Variants in BCAS3 observed in about 807,000 individuals in gnomAD.
BCAS3 encodes the protein BCAS3 microtubule associated cell migration factor.
BCAS3 carries 53 observed loss-of-function variants against 116.1 expected under a neutral mutation model. The observed-to-expected ratio is 0.46, with a 90% CI of 0.37 to 0.57. The LOEUF is 0.57. Ranked by LOEUF, BCAS3 falls within the 20% of genes least tolerant of loss-of-function variation. The pLI is 0.00. For missense variants in BCAS3, 917 were observed against 1,165.4 expected, an observed-to-expected ratio of 0.79 and a Z score of 3.10; for synonymous variants, 391 against 408.2, an observed-to-expected ratio of 0.96 and a Z score of 0.51.
At chr17:61,076,199 C>G (rs1405212556) in intron 20 of BCAS3, among the ~76,000 whole-genome samples, 2 of 152,160 alleles carry the variant, frequency 1.3e-5, no homozygotes, top group Non-Finnish European at 2.9e-5. Context: ...TTATGTCTGC[C>G]TCAAGTCTGA....
chr17:61,057,838 C>G (rs2069548615), intron 19 of BCAS3, among the ~76,000 whole-genome samples: 1 of 151,908 alleles, frequency 6.6e-6, no homozygotes, highest in African/African-American at 2.4e-5. Flanking sequence ...TTCTTATTTC[C>G]AAGAATACCT....
rs1406692049 is a variant in BCAS3, at chr17:60,994,892, C to G, written c.1486+4657C>G. On this transcript the variant is annotated intron_variant, in intron 15 of 23. Coordinates refer to ENST00000407086, the MANE Select transcript of BCAS3 (RefSeq NM_017679.5). This position sits in a 1 kb window ranked among gnomAD's most constrained non-coding sequence, Gnocchi z 4.4. ...ATATGCAGGTTATTCATTGACATGTCTGGGCTTCCTATTAGATTGACTTCT... is the reference window on the plus strand; with the variant it reads ...ATATGCAGGTTATTCATTGACATGTGTGGGCTTCCTATTAGATTGACTTCT... Among the ~76,000 whole-genome samples the G allele has an allele frequency of 6.6e-6, 1 of 152,146 alleles. No individual in the cohort carries two copies. The highest frequency in any genetic ancestry group is 2.4e-5 in the African/African-American group (1 of 41,440).
intron 19 of BCAS3, among the ~76,000 whole-genome samples, chr17:61,043,583 G>A (rs888810610): frequency 9.2e-5 from 14 of 151,942 alleles, no homozygotes; most frequent in African/African-American, 3.1e-4. Context: ...GGGTACACAG[G>A]TTTTCTCCCT....
At chr17:60,769,569 A>G (rs1210990579) in intron 6 of BCAS3, among the ~76,000 whole-genome samples, 1 of 152,014 alleles carries the variant, frequency 6.6e-6, no homozygotes, top group Non-Finnish European at 1.5e-5. Flanking sequence ...GCCGTGGGGA[A>G]GGGGGAGGGC....
intron 13 of BCAS3, among the ~76,000 whole-genome samples, chr17:60,932,846 C>G (rs2059730685): frequency 6.8e-6 from 1 of 146,578 alleles, no homozygotes. Context: ...TCACAGATAA[C>G]TAAAACTGAA....
In BCAS3 at chr17:60,777,736, C is replaced by T. The variant is rs933429014; in HGVS notation, c.404-30268C>T. ...ATCTCCATCTCTCTCTTCATTCCCC[C>T]ACTCTCTGAAATACCTACTCCAACT... On this transcript the variant is annotated intron_variant, in intron 6 of 23. Transcript: ENST00000407086. Among the ~76,000 whole-genome samples, 17 of 152,282 alleles carry T rather than the reference C, an allele frequency of 1.1e-4. No individual in the cohort carries two copies. The East Asian group carries it at 3.1e-3, about 28-fold the overall frequency.
chr17:60,921,612 CAAAAAAAAAAA>C (rs755864096), intron 12 of BCAS3, among the ~76,000 whole-genome samples: 2 of 33,324 alleles, frequency 6.0e-5, no homozygotes, highest in Non-Finnish European at 8.1e-5. Flanking sequence ...GACTCCGTCT[CAAAAAAAAAAA>C]AAAAAAAAAA....
chr17:61,065,691 A>C lies in BCAS3; in HGVS notation c.2030-9229A>C, dbSNP rs1285515512. ...CTAAGGGTTTTATTGTTTGTGGAGG[A>C]AGGGTGGGGATATGGTAAAGAGTAG... On this transcript the variant is annotated intron_variant, in intron 19 of 23. Coordinates refer to ENST00000407086, the MANE Select transcript of BCAS3 (RefSeq NM_017679.5). The surrounding 1 kb of genome is among the most constrained non-coding windows in gnomAD (Gnocchi z 4.8). 6.6e-6 allele frequency among the ~76,000 whole-genome samples: 1 copy of C among 152,080 alleles called. No homozygotes were observed. The highest frequency in any genetic ancestry group is 2.4e-5 in the African/African-American group (1 of 41,422).
chr17:60,891,504 AG>A (rs1165516242), intron 10 of BCAS3, among the ~76,000 whole-genome samples: 2 of 152,264 alleles, frequency 1.3e-5, no homozygotes, highest in Non-Finnish European at 2.9e-5. Context: ...GTCCTTACAT[AG>A]TATTTTCATA....
intron 7 of BCAS3, chr17:60,821,619 C>T (rs960786164): frequency 6.6e-6 from 1 of 151,970 alleles, no homozygotes; most frequent in Non-Finnish European, 1.5e-5. Context: ...ATAGTATGTA[C>T]TCTTTTTTTG....
intron 23 of BCAS3, among the ~76,000 whole-genome samples, chr17:61,372,487 A>G (rs538929248): frequency 6.6e-6 from 1 of 152,198 alleles, no homozygotes. Context: ...CTCCAGAACC[A>G]TCTATTCAGC....
At chr17:60,810,297 C>G (rs1328804026) in intron 7 of BCAS3, 2 of 449,126 alleles carry the variant, frequency 4.5e-6, no homozygotes, top group African/African-American at 4.1e-5. Context: ...GCTCTGGTTC[C>G]CGGATCTCCG....
chr17:60,720,975 G>A (rs568005181), intron 5 of BCAS3, among the ~76,000 whole-genome samples: 32 of 152,216 alleles, frequency 2.1e-4, no homozygotes, highest in South Asian at 2.1e-4. Flanking sequence ...AGAAAAGTGC[G>A]GCTGCTCCTT....
At chr17:60,784,525 G>A (rs1006045373) in intron 6 of BCAS3, among the ~76,000 whole-genome samples, 2 of 150,918 alleles carry the variant, frequency 1.3e-5, no homozygotes, top group Non-Finnish European at 3.0e-5. Flanking sequence ...GGATGGTCTC[G>A]ATCTCTTGAC....
intron 7 of BCAS3, among the ~76,000 whole-genome samples, chr17:60,831,735 G>T (rs930633481): frequency 2.0e-5 from 3 of 150,982 alleles, no homozygotes; most frequent in Non-Finnish European, 4.4e-5. Flanking sequence ...CCTCTTTGGC[G>T]GTGGGTTTTT....
chr17:60,695,715 T>C (rs112055921), intron 4 of BCAS3, among the ~76,000 whole-genome samples: 10,931 of 152,122 alleles, frequency 0.072, 1,319 homozygotes, highest in African/African-American at 0.25. Flanking sequence ...CCTCCTGCCT[T>C]AGCCTCCCAA....
chr17:60,684,442 A>T (rs2033724135), intron 3 of BCAS3, among the ~76,000 whole-genome samples: 1 of 152,142 alleles, frequency 6.6e-6, no homozygotes, highest in South Asian at 2.1e-4. Flanking sequence ...TTTTATATTG[A>T]GCAGCATTTT....
rs529588135 is a variant in BCAS3, at chr17:61,012,095, A to G, written c.1487-3656A>G. On this transcript the variant is annotated intron_variant, in intron 15 of 23. Transcript: ENST00000407086. The surrounding 1 kb of genome is among the most constrained non-coding windows in gnomAD (Gnocchi z 4.5). ...AAAACAATAATAAAAGTGACTCCTT[A>G]CTTTTTGTTCCTGAGTCATTTTTCA... 4.6e-5 allele frequency among the ~76,000 whole-genome samples: 7 copies of G among 151,908 alleles called. No homozygotes were observed. The highest frequency in any genetic ancestry group is 3.4e-3 in the Middle Eastern group (1 of 294).
In BCAS3 at chr17:61,229,216, C is replaced by A. The variant is rs954771506; in HGVS notation, c.2426-139111C>A. 7.9e-5 allele frequency among the ~76,000 whole-genome samples: 12 copies of A among 152,198 alleles called. No homozygotes were observed. Among genetic ancestry groups the A allele is most frequent in the African/African-American group, 2.9e-4 (12 of 41,452 alleles). ...CTTTAAGCCAAAGCCTAATCCAGAG[C>A]AAGGCCCTACCTCTTTCAATTCTAT... On this transcript the variant is annotated intron_variant, in intron 22 of 23. Coordinates refer to ENST00000407086, the MANE Select transcript of BCAS3 (RefSeq NM_017679.5). This position sits in a 1 kb window ranked among gnomAD's most constrained non-coding sequence, Gnocchi z 4.4.
Sources: gnomAD v4.1 joint callset for allele counts (sites outside exome capture counted in the v4.1 genomes callset) on GRCh38, gnomAD v4.1.1 for gene constraint, Gnocchi (gnomAD v3.1) non-coding constraint, MANE v1.5 for transcripts, NCBI Gene and HGNC (gene_info 2026-07-23, HGNC 2026-07-21) for gene names.